The following EYS variants were observed in gnomAD, a reference collection of about 807,000 sequenced individuals.
EYS encodes EGF-like photoreceptor maintenance factor, also known as protein eyes shut homolog.
Under a neutral mutation model 282.1 loss-of-function variants are expected in EYS, and 250 were observed. The ratio of observed to expected loss-of-function variants is 0.89; its 90% CI spans 0.80 to 0.98. The LOEUF (loss-of-function observed/expected upper bound fraction) is 0.98, where lower values mean the gene tolerates loss of function less well. Among genes scored for constraint, EYS ranks in the 50% least tolerant of loss-of-function variants. The pLI is 0.00. For synonymous variants in EYS, 1,355 were observed against 1,282.9 expected (o/e 1.06, Z -1.20); for missense variants, 4,016 against 3,709.0 (o/e 1.08, Z -2.15).
intron 12 of EYS, among the ~76,000 whole-genome samples, chr6:65,169,462 GTTTACA>G (rs1306151147): frequency 6.6e-6 from 1 of 151,292 alleles, no homozygotes; most frequent in Non-Finnish European, 1.5e-5. Context: ...ATTTTTAAAT[GTTTACA>G]TTTTAATTAG....
At chr6:65,198,533 C>T (rs12202572) in intron 12 of EYS, among the ~76,000 whole-genome samples, 17 of 151,802 alleles carry the variant, frequency 1.1e-4, no homozygotes, top group Non-Finnish European at 1.6e-4. Flanking sequence ...CACAAACACA[C>T]GAATAATGCA....
At chr6:64,217,122 T>A (rs1411396530) in intron 31 of EYS, among the ~76,000 whole-genome samples, 2 of 152,210 alleles carry the variant, frequency 1.3e-5, no homozygotes, top group African/African-American at 4.8e-5. Context: ...CTTTTATGAT[T>A]AAAAAGTAAG....
chr6:65,561,009 G>T (rs1769033033), intron 2 of EYS, among the ~76,000 whole-genome samples: 1 of 151,816 alleles, frequency 6.6e-6, no homozygotes, highest in Non-Finnish European at 1.5e-5. Context: ...TGCTACCTTG[G>T]ATAATTCACA....
chr6:64,528,051 G>C (rs1357481764), intron 26 of EYS, among the ~76,000 whole-genome samples: 2 of 151,760 alleles, frequency 1.3e-5, no homozygotes, highest in Non-Finnish European at 3.0e-5. Flanking sequence ...ACTGTCCCAG[G>C]TTCTGTAGAA....
chr6:65,209,427 C>G (rs1766117880), intron 12 of EYS, among the ~76,000 whole-genome samples: 2 of 151,562 alleles, frequency 1.3e-5, no homozygotes, highest in Admixed American at 6.6e-5. Context: ...CCATTTTTAT[C>G]CCCCACTTAA....
chr6:64,176,708 T>C (rs1249715406), intron 31 of EYS, among the ~76,000 whole-genome samples: 1 of 152,104 alleles, frequency 6.6e-6, no homozygotes, highest in Non-Finnish European at 1.5e-5. Context: ...TTAAATATGA[T>C]GCTAATTTTT....
At chr6:64,208,715 T>C (rs1765679720) in intron 31 of EYS, among the ~76,000 whole-genome samples, 1 of 152,136 alleles carries the variant, frequency 6.6e-6, no homozygotes, top group African/African-American at 2.4e-5. Flanking sequence ...AATGAGCTAT[T>C]TTAATAAAGT....
At chr6:64,820,800 C>A (rs903519241) in intron 21 of EYS, among the ~76,000 whole-genome samples, 1 of 152,086 alleles carries the variant, frequency 6.6e-6, no homozygotes, top group Non-Finnish European at 1.5e-5. Flanking sequence ...TACTCCATCA[C>A]CCCTCTCTGG....
chr6:64,449,250 G>T (rs897073433), intron 26 of EYS, among the ~76,000 whole-genome samples: 1 of 152,126 alleles, frequency 6.6e-6, no homozygotes, highest in African/African-American at 2.4e-5. Context: ...GGAAGAAAGG[G>T]TATCAGCGAT....
At chr6:63,829,928 T>C (rs1305135584) in intron 36 of EYS, among the ~76,000 whole-genome samples, 8 of 152,220 alleles carry the variant, frequency 5.3e-5, no homozygotes, top group African/African-American at 1.9e-4. Context: ...CTGCAGCCTC[T>C]GCTGGTGATA....
chr6:64,056,975 G>A (rs1358326663), intron 33 of EYS, among the ~76,000 whole-genome samples: 1 of 152,078 alleles, frequency 6.6e-6, no homozygotes, highest in African/African-American at 2.4e-5. Flanking sequence ...TTAGAATTAG[G>A]CCAGCTAATA....
At chr6:64,900,021 A>G (rs1767604244) in intron 18 of EYS, among the ~76,000 whole-genome samples, 1 of 152,224 alleles carries the variant, frequency 6.6e-6, no homozygotes, top group African/African-American at 2.4e-5. Context: ...TGGTGCTGGT[A>G]CCGAAACAGA....
chr6:65,061,095 C>A (rs1217097423), intron 12 of EYS, among the ~76,000 whole-genome samples: 1 of 151,860 alleles, frequency 6.6e-6, no homozygotes, highest in Non-Finnish European at 1.5e-5. Flanking sequence ...GCGACTGACT[C>A]TTCAATTTCA....
At chr6:63,936,616 T>A (rs746428210) in intron 35 of EYS, among the ~76,000 whole-genome samples, 1 of 152,214 alleles carries the variant, frequency 6.6e-6, no homozygotes, top group Non-Finnish European at 1.5e-5. Context: ...ACCCATTTAT[T>A]CACACATGCA....
At chr6:64,216,330 A>T (rs1285816456) in intron 31 of EYS, among the ~76,000 whole-genome samples, 2 of 152,222 alleles carry the variant, frequency 1.3e-5, no homozygotes, top group East Asian at 3.8e-4. Flanking sequence ...ATGGACTTTA[A>T]GGTATTCTCT....
chr6:64,907,831 A>G (rs1767878339), intron 16 of EYS, among the ~76,000 whole-genome samples: 1 of 152,106 alleles, frequency 6.6e-6, no homozygotes, highest in Non-Finnish European at 1.5e-5. Flanking sequence ...TTGTTCCAAA[A>G]ATAAAATAAA....
chr6:64,689,180 GACAA>G (rs1191653831), intron 22 of EYS, among the ~76,000 whole-genome samples: 4 of 152,082 alleles, frequency 2.6e-5, no homozygotes, highest in South Asian at 2.1e-4. Context: ...ACTAATAACA[GACAA>G]ACAGAGAGCC....
At chr6:65,218,212 T>C (rs571966261) in intron 12 of EYS, among the ~76,000 whole-genome samples, 1 of 152,220 alleles carries the variant, frequency 6.6e-6, no homozygotes, top group South Asian at 2.1e-4. Context: ...TGGGGGATAG[T>C]TATAAAGCAG....
chr6:65,507,377 A>G (rs778941333), intron 2 of EYS, among the ~76,000 whole-genome samples: 1 of 152,094 alleles, frequency 6.6e-6, no homozygotes, highest in South Asian at 2.1e-4. Flanking sequence ...TGCAGTTTGC[A>G]TATGACATGC....
Sources: gnomAD v4.1 joint callset for allele counts (sites outside exome capture counted in the v4.1 genomes callset) on GRCh38, gnomAD v4.1.1 for gene constraint, MANE v1.5 for transcripts, NCBI Gene and HGNC (gene_info 2026-07-23, HGNC 2026-07-21) for gene names.